The following GSG1L variants were observed in gnomAD, a reference collection of about 807,000 sequenced individuals.
GSG1L encodes the protein germ cell-specific gene 1-like protein.
In GSG1L, 24 loss-of-function variants were observed where a neutral mutation model predicts 42.1. The observed-to-expected ratio is 0.57, with a 90% CI of 0.41 to 0.80. The LOEUF (loss-of-function observed/expected upper bound fraction) is 0.80, where lower values mean the gene tolerates loss of function less well. Among genes scored for constraint, GSG1L ranks in the 30% least tolerant of loss-of-function variants. GSG1L has a pLI of 0.00. For missense variants in GSG1L, 445 were observed against 472.2 expected (o/e 0.94, Z 0.53); for synonymous variants, 215 against 203.5 (o/e 1.06, Z -0.48).
At chr16:27,856,750 A>AT in intron 3 of GSG1L, among the ~76,000 whole-genome samples, 1 of 152,328 alleles carries the variant, frequency 6.6e-6, no homozygotes, top group East Asian at 1.9e-4. Flanking sequence ...ACAGTGAGTG[A>AT]TTTAGAGAAA....
At chr16:27,822,116 G>A (rs982031580) in intron 5 of GSG1L, among the ~76,000 whole-genome samples, 2 of 151,630 alleles carry the variant, frequency 1.3e-5, no homozygotes, top group Non-Finnish European at 2.9e-5. Context: ...CAGGGAGAGG[G>A]GAACCCCAGC....
intron 1 of GSG1L, among the ~76,000 whole-genome samples, chr16:27,967,361 C>A (rs1369932963): frequency 1.3e-5 from 2 of 152,210 alleles, no homozygotes; most frequent in Non-Finnish European, 2.9e-5. Flanking sequence ...GAGGTGCTTC[C>A]TCTCTTATTT....
intron 3 of GSG1L, among the ~76,000 whole-genome samples, chr16:27,868,510 T>C (rs2083760302): frequency 6.6e-6 from 1 of 151,516 alleles, no homozygotes; most frequent in Admixed American, 6.6e-5. Context: ...TTATTACAAA[T>C]GCTAAAATAG....
rs552332475 is a variant in GSG1L at position 28,003,285 on chromosome 16, C to A, written c.350-40082G>T. ...ACTCACAGGAGCTTGAGAATGGATG[C>A]TTGTTAACACAGAAGGATACACGGG... On this transcript the variant is annotated intron_variant, in intron 1 of 6. Transcript: ENST00000447459. Among the ~76,000 whole-genome samples, 2 of 152,312 alleles carry A rather than the reference C, an allele frequency of 1.3e-5. 1 individual carries two copies. Among genetic ancestry groups the A allele is most frequent in the South Asian group, 4.1e-4 (2 of 4,828 alleles).
chr16:27,804,536 G>A (rs1340448888), intron 6 of GSG1L, among the ~76,000 whole-genome samples: 2 of 151,196 alleles, frequency 1.3e-5, no homozygotes, highest in Non-Finnish European at 2.9e-5. Flanking sequence ...CCTGAGGCAG[G>A]GGCCGTTGTC....
At chr16:28,016,700 T>C (rs2085785153) in intron 1 of GSG1L, among the ~76,000 whole-genome samples, 1 of 152,180 alleles carries the variant, frequency 6.6e-6, no homozygotes, top group Admixed American at 6.5e-5. Context: ...CTGCTGACAT[T>C]TATTGAGAAC....
intron 1 of GSG1L, among the ~76,000 whole-genome samples, chr16:28,019,780 CCA>C (rs2085818455): frequency 6.6e-6 from 1 of 152,218 alleles, no homozygotes; most frequent in Admixed American, 6.5e-5. Flanking sequence ...CCACGCTAGA[CCA>C]CAGTCTTGCA....
At chr16:27,937,259 A>G (rs1239023951) in intron 2 of GSG1L, among the ~76,000 whole-genome samples, 1 of 150,196 alleles carries the variant, frequency 6.7e-6, no homozygotes, top group Admixed American at 6.6e-5. Context: ...TTTTTTTTTA[A>G]TGGAGTCTCG....
intron 1 of GSG1L, among the ~76,000 whole-genome samples, chr16:28,039,305 T>C (rs530179530): frequency 9.2e-5 from 14 of 152,340 alleles, no homozygotes; most frequent in Non-Finnish European, 1.8e-4. Context: ...GAAGGTTTCA[T>C]GTTAGTTCCC....
intron 5 of GSG1L, among the ~76,000 whole-genome samples, chr16:27,810,140 T>G (rs2083015278): frequency 6.6e-6 from 1 of 152,138 alleles, no homozygotes; most frequent in Non-Finnish European, 1.5e-5. Context: ...GCCCTCAGAG[T>G]CCTTCTGGCC....
chr16:27,800,808 G>C (rs578145434), intron 6 of GSG1L, among the ~76,000 whole-genome samples: 41 of 152,322 alleles, frequency 2.7e-4, no homozygotes, highest in African/African-American at 9.6e-4. Flanking sequence ...CCACACACTA[G>C]TTTAGACTCT....
chr16:27,814,839 G>A (rs1226947785), intron 5 of GSG1L, among the ~76,000 whole-genome samples: 1 of 152,158 alleles, frequency 6.6e-6, no homozygotes, highest in Non-Finnish European at 1.5e-5. Context: ...AAGGAGCAAT[G>A]GTAAATGTCA....
intron 5 of GSG1L, among the ~76,000 whole-genome samples, chr16:27,824,287 C>T (rs879467986): frequency 9.2e-5 from 14 of 152,190 alleles, no homozygotes; most frequent in East Asian, 3.9e-4. Flanking sequence ...AGGGGCTCAG[C>T]GCCTCACCCC....
At chr16:27,861,391 TA>T (rs936625025) in intron 3 of GSG1L, among the ~76,000 whole-genome samples, 1 of 150,194 alleles carries the variant, frequency 6.7e-6, no homozygotes, top group Non-Finnish European at 1.5e-5. Flanking sequence ...AATTAAAAAT[TA>T]AAAAAAAGAG....
chr16:27,948,397 A>C (rs2084910092), intron 2 of GSG1L, among the ~76,000 whole-genome samples: 1 of 152,032 alleles, frequency 6.6e-6, no homozygotes, highest in South Asian at 2.1e-4. Context: ...ACTTTGAGGC[A>C]GGGTCTCGCT....
chr16:27,845,178 G>C (rs1420102930), intron 3 of GSG1L, 117 bp from the exon 4 acceptor site: 1 of 645,966 alleles, frequency 1.5e-6, no homozygotes, highest in Non-Finnish European at 2.7e-6. Context: ...GTGGAGAACA[G>C]GGACCTCTGG....
Position 27,857,715 on chromosome 16 carries a change from T to C in GSG1L, c.551-12654A>G, listed in dbSNP as rs539176270. On this transcript the variant is annotated intron_variant, in intron 3 of 6. Transcript: ENST00000447459. The stretch of plus-strand genomic sequence containing the variant: ...ACTCCCCCTCCCTGAGACTTCTTTC[T>C]CTCCATCTCTCTCTCATTTTTGTCT... Among the ~76,000 whole-genome samples, 23 of 152,224 alleles carry C rather than the reference T, an allele frequency of 1.5e-4. 1 individual carries two copies. In the South Asian group the frequency reaches 4.6e-3, roughly 30 times the overall value.
chr16:27,909,381 C>CTTTTT (rs34041209), intron 2 of GSG1L, among the ~76,000 whole-genome samples: 3 of 117,810 alleles, frequency 2.5e-5, no homozygotes, highest in Non-Finnish European at 3.5e-5. Flanking sequence ...TCTTCTTTTT[C>CTTTTT]TTTTTTTTTT....
rs554069027 is a variant in GSG1L at position 27,931,624 on chromosome 16, G to A, written c.397+31532C>T. Among the ~76,000 whole-genome samples the A allele has an allele frequency of 1.3e-4, 20 of 152,306 alleles. No individual in the cohort carries two copies. In the South Asian group the frequency reaches 1.5e-3, roughly 11 times the overall value. Reference sequence around the variant, plus strand: ...GAACTTTAAGCAGTGCAAATTCAACGTAATCTACGCTGTGACTCCATCAGC... The same window carrying A: ...GAACTTTAAGCAGTGCAAATTCAACATAATCTACGCTGTGACTCCATCAGC... On this transcript the variant is annotated intron_variant, in intron 2 of 6. Transcript: ENST00000447459.
Sources: gnomAD v4.1 joint callset for allele counts (sites outside exome capture counted in the v4.1 genomes callset) on GRCh38, gnomAD v4.1.1 for gene constraint, MANE v1.5 for transcripts, NCBI Gene and HGNC (gene_info 2026-07-23, HGNC 2026-07-21) for gene names.